The following FGF14 variants were observed in gnomAD, a reference collection of about 807,000 sequenced individuals.
FGF14 encodes fibroblast growth factor homologous factor 4.
A neutral mutation model predicts 25.5 loss-of-function variants in FGF14; 5 were observed. The observed-to-expected ratio is 0.20, with a 90% CI of 0.10 to 0.41. The LOEUF is 0.41. Ranked by LOEUF, FGF14 falls within the 10% of genes least tolerant of loss-of-function variation. The pLI is 1.00. For missense variants in FGF14, 222 were observed against 320.1 expected, an observed-to-expected ratio of 0.69 and a Z score of 2.34; for synonymous variants, 138 against 118.3, an observed-to-expected ratio of 1.17 and a Z score of -1.08.
intron 1 of FGF14, among the ~76,000 whole-genome samples, chr13:102,162,217 C>T (rs1243137631): frequency 6.6e-6 from 1 of 152,104 alleles, no homozygotes; most frequent in Admixed American, 6.6e-5. Context: ...TCAGCAAACT[C>T]AGAATCTCTC....
chr13:101,998,154 T>C (rs1170239444), intron 1 of FGF14, among the ~76,000 whole-genome samples: 2 of 152,074 alleles, frequency 1.3e-5, no homozygotes, highest in African/African-American at 2.4e-5. Flanking sequence ...AAAACTAAAT[T>C]CATATTAAAA....
chr13:102,156,185 A>G (rs2047326524), intron 1 of FGF14, among the ~76,000 whole-genome samples: 1 of 152,206 alleles, frequency 6.6e-6, no homozygotes, highest in East Asian at 1.9e-4. Flanking sequence ...CTGATACCAA[A>G]GCCGGGCAGA....
intron 1 of FGF14, among the ~76,000 whole-genome samples, chr13:102,286,095 A>G (rs2054082435): frequency 6.6e-6 from 1 of 152,212 alleles, no homozygotes; most frequent in Non-Finnish European, 1.5e-5. Context: ...AACAGGCTCC[A>G]ACTTGGTAGA....
intron 3 of FGF14, among the ~76,000 whole-genome samples, chr13:101,752,545 A>G (rs983239080): frequency 7.2e-5 from 11 of 152,232 alleles, no homozygotes; most frequent in Non-Finnish European, 1.5e-4. Context: ...TCTCTGTATC[A>G]TTTCAGAATG....
intron 3 of FGF14, among the ~76,000 whole-genome samples, chr13:101,846,869 T>C (rs1184533888): frequency 6.6e-6 from 1 of 151,986 alleles, no homozygotes. Flanking sequence ...CAGAAGGGCT[T>C]AGAGGAGCCA....
At chr13:101,769,674 G>A (rs745892747) in intron 3 of FGF14, among the ~76,000 whole-genome samples, 5 of 152,082 alleles carry the variant, frequency 3.3e-5, no homozygotes, top group African/African-American at 7.2e-5. Context: ...ATAAACTTAC[G>A]TGTGTATTAC....
chr13:101,760,343 G>C (rs772532526), intron 3 of FGF14, among the ~76,000 whole-genome samples: 2 of 152,144 alleles, frequency 1.3e-5, no homozygotes, highest in Non-Finnish European at 2.9e-5. Flanking sequence ...TTTTGTCTAA[G>C]ACCTTCACTT....
At chr13:101,947,688 G>T (rs1011385424) in intron 1 of FGF14, among the ~76,000 whole-genome samples, 1 of 152,134 alleles carries the variant, frequency 6.6e-6, no homozygotes, top group African/African-American at 2.4e-5. Flanking sequence ...ACTACTAGAG[G>T]GGGTAGGGAG....
chr13:102,146,569 G>C (rs1296040739), intron 1 of FGF14, among the ~76,000 whole-genome samples: 2 of 152,090 alleles, frequency 1.3e-5, no homozygotes, highest in African/African-American at 4.8e-5. Flanking sequence ...CATGGTCTTT[G>C]TAAGTGGGAA....
intron 1 of FGF14, among the ~76,000 whole-genome samples, chr13:102,227,903 T>A (rs1211405672): frequency 6.6e-6 from 1 of 152,108 alleles, no homozygotes. Context: ...CCCGCCTTTG[T>A]TTTACATCAT....
intron 1 of FGF14, among the ~76,000 whole-genome samples, chr13:101,958,309 G>A (rs2036632237): frequency 6.6e-6 from 1 of 152,252 alleles, no homozygotes; most frequent in Non-Finnish European, 1.5e-5. Flanking sequence ...AGCTTCCAGT[G>A]TTGGCAGGGA....
At chr13:102,216,473 G>C (rs1244106390) in intron 1 of FGF14, among the ~76,000 whole-genome samples, 1 of 152,162 alleles carries the variant, frequency 6.6e-6, no homozygotes, top group African/African-American at 2.4e-5. Context: ...CTAAGTAATG[G>C]AGATAAAACA....
intron 1 of FGF14, among the ~76,000 whole-genome samples, chr13:101,951,035 A>G (rs1374787815): frequency 6.6e-6 from 1 of 152,130 alleles, no homozygotes; most frequent in Non-Finnish European, 1.5e-5. Flanking sequence ...ATGTGGGGTG[A>G]ATAATGAGAA....
chr13:102,201,319 A>G lies in FGF14; in HGVS notation c.208+200152T>C, dbSNP rs145101764. Among the ~76,000 whole-genome samples the G allele has an allele frequency of 3.7e-3, 560 of 152,220 alleles. 1 individual carries two copies. The highest frequency in any genetic ancestry group is 0.013 in the African/African-American group (537 of 41,526). On this transcript the variant is annotated intron_variant, in intron 1 of 4. Coordinates refer to the FGF14 transcript ENST00000376131. ...ACAACATGGAGAGAGCTGCGAGAGAATAACAAAGGTGCCAAGGGATTTGTA... is the reference window on the plus strand; with the variant it reads ...ACAACATGGAGAGAGCTGCGAGAGAGTAACAAAGGTGCCAAGGGATTTGTA...
At chr13:102,294,100 C>A (rs1270560392) in intron 1 of FGF14, 19 of 152,088 alleles carry the variant, frequency 1.2e-4, no homozygotes, top group Non-Finnish European at 1.5e-5. Flanking sequence ...CAAAAATTAA[C>A]AAATGAAACA....
At chr13:101,826,258 C>A (rs148158101) in intron 3 of FGF14, among the ~76,000 whole-genome samples, 1 of 152,140 alleles carries the variant, frequency 6.6e-6, no homozygotes, top group African/African-American at 2.4e-5. Flanking sequence ...ACTAACCTCC[C>A]CCCGTCCCCG....
intron 3 of FGF14, among the ~76,000 whole-genome samples, chr13:101,864,159 G>A (rs952666486): frequency 1.3e-5 from 2 of 152,086 alleles, no homozygotes; most frequent in Non-Finnish European, 2.9e-5. Context: ...GGATAGGTAG[G>A]AGAGGTGATG....
intron 3 of FGF14, among the ~76,000 whole-genome samples, chr13:101,749,839 G>T (rs913536005): frequency 1.3e-5 from 2 of 152,048 alleles, no homozygotes; most frequent in Non-Finnish European, 2.9e-5. Flanking sequence ...GACTACTAAA[G>T]CTGGTGTTTG....
chr13:102,130,648 CA>C (rs557213287), intron 1 of FGF14, among the ~76,000 whole-genome samples: 379 of 152,200 alleles, frequency 2.5e-3, no homozygotes, highest in Non-Finnish European at 4.2e-3. Flanking sequence ...TTCTACCTAT[CA>C]CAGGTAGAAA....
Sources: allele counts gnomAD v4.1 joint callset (sites outside exome capture counted in the v4.1 genomes callset), GRCh38; gene constraint gnomAD v4.1.1; transcripts MANE v1.5; gene names NCBI Gene and HGNC (gene_info 2026-07-23, HGNC 2026-07-21).